Variants in GRK4 observed in about 807,000 individuals in gnomAD.
GRK4 encodes G protein-coupled receptor kinase 2-like.
In GRK4, 73 loss-of-function variants were observed where a neutral mutation model predicts 77.9. The ratio of observed to expected loss-of-function variants is 0.94; its 90% confidence interval spans 0.78 to 1.14. The LOEUF (loss-of-function observed/expected upper bound fraction) is 1.14, where lower values mean the gene tolerates loss of function less well. GRK4 is among the 50% of genes most tolerant of loss of function. GRK4 has a pLI of 0.00. For missense variants in GRK4, 729 were observed against 700.2 expected (o/e 1.04, Z -0.46); for synonymous variants, 257 against 254.4 (o/e 1.01, Z -0.10).
intron 3 of GRK4, 125 bp from the exon 4 acceptor site, chr4:2,992,090 C>G: frequency 3.7e-6 from 2 of 545,392 alleles, no homozygotes; most frequent in Non-Finnish European, 6.7e-6. Context: ...GTTGCTCAGG[C>G]TGGCCTCGAA....
chr4:2,985,650 T>C, intron 2 of GRK4: 1 of 202,184 alleles, frequency 4.9e-6, no homozygotes. Context: ...AACAGAATAC[T>C]CTGCAACTGT....
chr4:3,022,892 G>T (rs1017793949), intron 10 of GRK4, among the ~76,000 whole-genome samples: 1 of 151,974 alleles, frequency 6.6e-6, no homozygotes, highest in African/African-American at 2.4e-5. Context: ...GTCATGCTAT[G>T]TTGCCCAGGC....
chr4:2,967,508 C>T (rs1718073763), intron 1 of GRK4, among the ~76,000 whole-genome samples: 1 of 152,158 alleles, frequency 6.6e-6, no homozygotes, highest in African/African-American at 2.4e-5. Flanking sequence ...TCAAGTGATT[C>T]TCCTGCCTCA....
chr4:3,026,994 T>G (rs770954430), intron 10 of GRK4, among the ~76,000 whole-genome samples: 1 of 152,250 alleles, frequency 6.6e-6, no homozygotes, highest in Non-Finnish European at 1.5e-5. Flanking sequence ...AGTGTCCGCT[T>G]CCAGGGCTGG....
intron 11 of GRK4, 148 bp from the exon 12 acceptor site, chr4:3,029,053 T>G (rs1578365606): frequency 1.5e-6 from 1 of 650,642 alleles, no homozygotes; most frequent in Non-Finnish European, 2.6e-6. Flanking sequence ...ATTATAGGTG[T>G]GAGCCACCGC....
In GRK4 at chr4:2,984,515, G is replaced by C; in HGVS notation, c.55G>C (p.Gly19Arg). ...NSLLLKARQGGYGKKSGRSKK... is the reference protein window; with the variant it reads ...NSLLLKARQGRYGKKSGRSKK... ...TGCCTTTTTTCTCCCAAATTCAGGA[G>C]GATATGGCAAAAAAAGTGGTCGTAG... The change falls in exon 2 of 16, where the codon GGA becomes CGA. Residue 19 changes from glycine to arginine, a missense_variant and splice_region_variant. Physicochemically the swap from Gly to Arg is moderately radical, Grantham distance 125. Transcript: ENST00000398052. 6.2e-7 allele frequency: 1 copy of C among 1,605,064 alleles called. No individual in the cohort carries two copies. Among genetic ancestry groups the C allele is most frequent in the Non-Finnish European group, 8.5e-7 (1 of 1,172,762 alleles).
At chr4:2,985,089 C>T (rs752107380) in intron 2 of GRK4, among the ~76,000 whole-genome samples, 1 of 152,146 alleles carries the variant, frequency 6.6e-6, no homozygotes, top group South Asian at 2.1e-4. Flanking sequence ...TAGTAGCCTT[C>T]CAGACAGTTT....
intron 2 of GRK4, among the ~76,000 whole-genome samples, chr4:2,985,545 A>C (rs1384905808): frequency 6.6e-6 from 1 of 152,082 alleles, no homozygotes; most frequent in African/African-American, 2.4e-5. Flanking sequence ...TCTTGAGAAA[A>C]AAAATTAATG....
At chr4:2,993,476 C>G (rs1345307927) in intron 4 of GRK4, among the ~76,000 whole-genome samples, 1 of 152,092 alleles carries the variant, frequency 6.6e-6, no homozygotes, top group East Asian at 1.9e-4. Flanking sequence ...GAATTCGACA[C>G]AGGCCTGGCC....
chr4:3,000,675 C>G (rs1729269330), intron 4 of GRK4, among the ~76,000 whole-genome samples: 1 of 151,820 alleles, frequency 6.6e-6, no homozygotes, highest in African/African-American at 2.4e-5. Flanking sequence ...AATGATACTT[C>G]TACCTCAGTC....
intron 4 of GRK4, among the ~76,000 whole-genome samples, chr4:3,003,822 C>G (rs564273508): frequency 6.6e-6 from 1 of 152,096 alleles, no homozygotes; most frequent in Non-Finnish European, 1.5e-5. Flanking sequence ...CTGCAACCTC[C>G]GCCTCCCAGG....
At chr4:2,971,686 A>G (rs539439897) in intron 1 of GRK4, among the ~76,000 whole-genome samples, 16 of 152,348 alleles carry the variant, frequency 1.1e-4, no homozygotes, top group African/African-American at 3.6e-4. Context: ...ATTGTCTCAC[A>G]GTCTTGGAGG....
intron 1 of GRK4, among the ~76,000 whole-genome samples, chr4:2,981,878 G>C (rs761272079): frequency 2.0e-5 from 3 of 152,242 alleles, no homozygotes; most frequent in Non-Finnish European, 4.4e-5. Context: ...ACTCAGCCAC[G>C]CCTTGGCCTC....
chr4:3,040,511 C>G, intron 15 of GRK4, 61 bp from the exon 16 acceptor site: 2 of 1,449,512 alleles, frequency 1.4e-6, no homozygotes, highest in Non-Finnish European at 1.9e-6. Flanking sequence ...GTTGTCTGCA[C>G]TTAAGGAAAG....
chr4:3,010,624 T>C (rs1390600880), intron 7 of GRK4, among the ~76,000 whole-genome samples: 1 of 152,162 alleles, frequency 6.6e-6, no homozygotes, highest in African/African-American at 2.4e-5. Context: ...TTTAAAGAGA[T>C]ATTAATTACC....
chr4:3,026,403 C>T (rs941678715), intron 10 of GRK4, among the ~76,000 whole-genome samples: 2 of 152,078 alleles, frequency 1.3e-5, no homozygotes, highest in Non-Finnish European at 2.9e-5. Flanking sequence ...AAAAATAAGT[C>T]ACAACATGTT....
rs73084154 is a variant in GRK4 at position 3,028,325 on chromosome 4, G to A, written c.1060+324G>A. ...CCTCCCCTGTGCACCACGGCCTCTC[G>A]GAGCCTCAGGAAATCACCCCACTCT... On this transcript the variant is annotated intron_variant, in intron 11 of 15. Transcript: ENST00000398052. Among the ~76,000 whole-genome samples the A allele has an allele frequency of 2.9e-3, 438 of 152,240 alleles. 2 individuals are homozygous for A. The highest frequency in any genetic ancestry group is 0.01 in the African/African-American group (420 of 41,544).
intron 4 of GRK4, among the ~76,000 whole-genome samples, chr4:2,998,084 G>T (rs187472597): frequency 9.2e-5 from 14 of 152,158 alleles, no homozygotes; most frequent in African/African-American, 3.1e-4. Flanking sequence ...TTCACCAGGC[G>T]CAGTGGCTCA....
At chr4:3,035,662 G>C (rs964985123) in intron 13 of GRK4, 139 bp downstream of exon 13, 5 of 924,564 alleles carry the variant, frequency 5.4e-6, no homozygotes, top group South Asian at 1.8e-5. Context: ...GGCCTCAAGT[G>C]GTCCTCCACC....
Sources: allele counts gnomAD v4.1 joint callset (sites outside exome capture counted in the v4.1 genomes callset), GRCh38; gene constraint gnomAD v4.1.1; transcripts MANE v1.5; gene names NCBI Gene and HGNC (gene_info 2026-07-23, HGNC 2026-07-21).